The following TMEM117 variants were observed in gnomAD, a reference collection of about 807,000 sequenced individuals.
The protein encoded by TMEM117 is transmembrane protein 117.
Under a neutral mutation model 52.4 loss-of-function variants are expected in TMEM117, and 27 were observed. The observed-to-expected ratio is 0.51, with a 90% confidence interval of 0.38 to 0.71. The LOEUF is 0.71. Among genes scored for constraint, TMEM117 ranks in the 30% least tolerant of loss-of-function variants. TMEM117 has a pLI of 0.00. For synonymous variants in TMEM117, 215 were observed against 206.3 expected (o/e 1.04, Z -0.36); for missense variants, 556 against 630.5 (o/e 0.88, Z 1.26).
intron 3 of TMEM117, among the ~76,000 whole-genome samples, chr12:44,002,099 C>T (rs952229446): frequency 5.3e-5 from 8 of 152,068 alleles, no homozygotes; most frequent in Admixed American, 1.3e-4. Context: ...AGGTTTGGAA[C>T]CCTCCAAGAG....
chr12:44,377,532 C>G (rs73276287), intron 7 of TMEM117, among the ~76,000 whole-genome samples: 7 of 152,210 alleles, frequency 4.6e-5, no homozygotes, highest in Non-Finnish European at 1.0e-4. Context: ...ATTGTAATAT[C>G]CTTTCATGAC....
At chr12:44,078,844 T>G (rs915069920) in intron 3 of TMEM117, among the ~76,000 whole-genome samples, 1 of 151,828 alleles carries the variant, frequency 6.6e-6, no homozygotes, top group African/African-American at 2.4e-5. Flanking sequence ...TTTCTTCTAA[T>G]GCTATCCCTC....
chr12:44,061,893 T>G (rs1947144592), intron 3 of TMEM117, among the ~76,000 whole-genome samples: 1 of 152,048 alleles, frequency 6.6e-6, no homozygotes, highest in Non-Finnish European at 1.5e-5. Context: ...TTATAGGCCA[T>G]GAATAAGAGG....
chr12:44,366,513 G>A (rs1486334658), intron 6 of TMEM117, among the ~76,000 whole-genome samples: 1 of 152,078 alleles, frequency 6.6e-6, no homozygotes, highest in African/African-American at 2.4e-5. Context: ...ACCTGCTCCA[G>A]TGTATCTTGT....
chr12:44,118,728 A>C (rs1203465293), intron 3 of TMEM117, among the ~76,000 whole-genome samples: 1 of 150,366 alleles, frequency 6.7e-6, no homozygotes, highest in East Asian at 1.9e-4. Flanking sequence ...TACACATTGC[A>C]ATTTTTCTTT....
intron 4 of TMEM117, 68 bp downstream of exon 4, chr12:44,143,692 C>A: frequency 1.7e-6 from 2 of 1,147,546 alleles, no homozygotes; most frequent in African/African-American, 1.5e-5. Flanking sequence ...GTTGGACAGA[C>A]ACTGCTTTTG....
At chr12:44,224,486 T>G (rs948439879) in intron 5 of TMEM117, among the ~76,000 whole-genome samples, 7 of 151,312 alleles carry the variant, frequency 4.6e-5, no homozygotes, top group African/African-American at 1.7e-4. Flanking sequence ...TTTTTTTAGT[T>G]TTTCTTTGCT....
intron 1 of TMEM117, 44 bp from the exon 2 acceptor site, chr12:43,844,580 T>C: frequency 6.7e-7 from 1 of 1,492,788 alleles, no homozygotes; most frequent in African/African-American, 1.4e-5. Context: ...AGAAAGCCAT[T>C]ACTTGTTTTC....
At chr12:44,369,765 C>T (rs1204840759) in intron 6 of TMEM117, among the ~76,000 whole-genome samples, 1 of 152,090 alleles carries the variant, frequency 6.6e-6, no homozygotes, top group Non-Finnish European at 1.5e-5. Context: ...TGAAAAAAGC[C>T]TACTTGAACC....
At chr12:44,074,950 A>G (rs1433146179) in intron 3 of TMEM117, among the ~76,000 whole-genome samples, 1 of 152,136 alleles carries the variant, frequency 6.6e-6, no homozygotes, top group Non-Finnish European at 1.5e-5. Flanking sequence ...GTGTAACCCA[A>G]TGTACATGAA....
chr12:44,311,779 GTA>G (rs1950982589), intron 6 of TMEM117, among the ~76,000 whole-genome samples: 1 of 17,372 alleles, frequency 5.8e-5, no homozygotes, highest in South Asian at 3.8e-3. Context: ...GTATATATGT[GTA>G]TATATGTATA....
chr12:43,901,314 G>T (rs7979391), intron 2 of TMEM117, among the ~76,000 whole-genome samples: 119,180 of 151,934 alleles, frequency 0.78, 49,154 homozygotes, highest in Non-Finnish European at 0.9. Flanking sequence ...TTTGTTTTTG[G>T]TTTTTTTTGT....
chr12:43,917,716 T>C (rs565470112), intron 2 of TMEM117, among the ~76,000 whole-genome samples: 1 of 152,284 alleles, frequency 6.6e-6, no homozygotes, highest in African/African-American at 2.4e-5. Flanking sequence ...ACCAATTCTT[T>C]TATATGTGTC....
At chr12:44,197,781 C>T (rs946113102) in intron 4 of TMEM117, among the ~76,000 whole-genome samples, 1 of 152,106 alleles carries the variant, frequency 6.6e-6, no homozygotes, top group African/African-American at 2.4e-5. Flanking sequence ...TGCCCAATTT[C>T]CTTACTTAAT....
At chr12:44,319,743 C>T (rs1249122848) in intron 6 of TMEM117, among the ~76,000 whole-genome samples, 1 of 152,158 alleles carries the variant, frequency 6.6e-6, no homozygotes, top group Non-Finnish European at 1.5e-5. Flanking sequence ...GCTGCATTCA[C>T]TTTGTCTTCT....
intron 2 of TMEM117, among the ~76,000 whole-genome samples, chr12:43,910,095 A>G (rs563410151): frequency 3.6e-5 from 4 of 112,036 alleles, no homozygotes; most frequent in African/African-American, 6.0e-5. Flanking sequence ...AAAATCCTCA[A>G]TAAAATACTG....
intron 3 of TMEM117, among the ~76,000 whole-genome samples, chr12:44,130,397 A>G (rs578220291): frequency 6.6e-6 from 1 of 152,114 alleles, no homozygotes; most frequent in East Asian, 1.9e-4. Context: ...TAACTATCTC[A>G]TGTTTTAGGC....
At chr12:44,201,238 A>T (rs1233549191) in intron 4 of TMEM117, among the ~76,000 whole-genome samples, 1 of 152,202 alleles carries the variant, frequency 6.6e-6, no homozygotes, top group African/African-American at 2.4e-5. Context: ...AAGAAAGAAA[A>T]TTAGATAAAT....
chr12:43,930,119 C>T (rs1025693403), intron 2 of TMEM117, among the ~76,000 whole-genome samples: 2 of 152,114 alleles, frequency 1.3e-5, no homozygotes, highest in Non-Finnish European at 2.9e-5. Context: ...TATGATATTG[C>T]CTTTCATATA....
Sources: allele counts gnomAD v4.1 joint callset (sites outside exome capture counted in the v4.1 genomes callset), GRCh38; gene constraint gnomAD v4.1.1; transcripts MANE v1.5; gene names NCBI Gene and HGNC (gene_info 2026-07-23, HGNC 2026-07-21).